ZSWIM9: variants seen among roughly 807,000 people sequenced by gnomAD.
ZSWIM9 encodes uncharacterized protein ZSWIM9.
Under a neutral mutation model 25.0 loss-of-function variants are expected in ZSWIM9, and 11 were observed. That is an observed-to-expected ratio of 0.44 (90% CI 0.28 to 0.73). The LOEUF (loss-of-function observed/expected upper bound fraction) is 0.73. Among genes scored for constraint, ZSWIM9 ranks in the 30% least tolerant of loss-of-function variants. ZSWIM9 has a pLI of 0.16. For synonymous variants in ZSWIM9, 562 were observed against 582.1 expected (o/e 0.97, Z 0.50); for missense variants, 1,070 against 1,296.5 (o/e 0.83, Z 2.68).
At chr19:48,187,989 C>T (rs867473635) in intron 3 of ZSWIM9, among the ~76,000 whole-genome samples, 8 of 127,892 alleles carry the variant, frequency 6.3e-5, no homozygotes, top group South Asian at 2.6e-4. Context: ...GATAGATAGA[C>T]AGACAGACAG....
chr19:48,187,985 T>TAGATAGACAGAC (rs1555787428), intron 3 of ZSWIM9, among the ~76,000 whole-genome samples: 71 of 146,368 alleles, frequency 4.9e-4, no homozygotes, highest in African/African-American at 1.4e-3. Flanking sequence ...GATAGATAGA[T>TAGATAGACAGAC]AGACAGACAG....
At chr19:48,173,408 C>T (rs1470269114) in intron 2 of ZSWIM9, among the ~76,000 whole-genome samples, 1 of 152,184 alleles carries the variant, frequency 6.6e-6, no homozygotes, top group South Asian at 2.1e-4. Context: ...AAGAGATTCC[C>T]CCACCTCAGC....
chr19:48,171,920 C>A lies in ZSWIM9; in HGVS notation c.118C>A (p.Gln40Lys), dbSNP rs1425185586. The A allele has an allele frequency of 2.0e-6, 3 of 1,535,740 alleles. No homozygotes were observed. The highest frequency in any genetic ancestry group is 2.6e-6 in the Non-Finnish European group (3 of 1,146,700). The change falls in exon 2 of 4, where the codon CAG becomes AAG. Residue 40 changes from glutamine (Q) to lysine (K), a missense_variant. By Grantham distance (53) the Gln-to-Lys change is moderately conservative. Around this residue, in one of 4 missense-constraint regions of ZSWIM9, gnomAD observed 265 missense variants for 339.0 expected, o/e 0.78. Transcript: ENST00000614654. ...CCGCTTCTTCGACGCGTGGTGCCAG[C>A]AGCGGCTGGCGCTCTTCTTCGTCAA... ...FSRFFDAWCQ[Q>K]RLALFFVKSS... is the part of the protein sequence containing the mutation.
At chr19:48,186,624 C>T (rs544510546) in intron 3 of ZSWIM9, 1 of 154,980 alleles carries the variant, frequency 6.5e-6, no homozygotes, top group African/African-American at 2.4e-5. Context: ...TTGCATCTTG[C>T]TTTATACGTT....
intron 3 of ZSWIM9, among the ~76,000 whole-genome samples, chr19:48,193,920 G>A (rs2037127425): frequency 6.6e-6 from 1 of 152,186 alleles, no homozygotes; most frequent in African/African-American, 2.4e-5. Context: ...TCTCAGCCCA[G>A]GGATCTTGGC....
chr19:48,195,222 C>A lies in ZSWIM9; in HGVS notation c.1158C>A (p.Asp386Glu). The change falls in exon 4 of 4, where the codon GAC (aspartate) becomes GAA (glutamate). Residue 386 changes from aspartate (D) to glutamate (E), a missense_variant. Coordinates refer to ENST00000614654, the MANE Select transcript of ZSWIM9 (RefSeq NM_199341.4). The surrounding 1 kb of genome is among the most constrained non-coding windows in gnomAD (Gnocchi z 5.8). ...YFERNWEPRR[D>E]MWVRFRAFEA... ...AGCGCAACTGGGAGCCCCGCCGCGA[C>A]ATGTGGGTCCGCTTCCGCGCCTTCG... 1 of 1,528,322 alleles carries A rather than the reference C, an allele frequency of 6.5e-7. No individual in the cohort carries two copies. Among genetic ancestry groups the A allele is most frequent in the Non-Finnish European group, 8.8e-7 (1 of 1,142,512 alleles). The allele number at this position is 1,528,322 out of a possible 1,614,324, so 94.7% of individuals were successfully genotyped here.
At position 48,196,432 on chromosome 19, in the gene ZSWIM9, G is replaced by A; in HGVS notation, c.2368G>A (p.Ala790Thr). ...EWAAARSEHL[A>T]AGDGLQEGGE... Reference sequence around the variant, plus strand: ...GGCAGCGGCGAGGAGTGAACACCTGGCTGCAGGTGACGGCCTGCAGGAAGG... The same window carrying A: ...GGCAGCGGCGAGGAGTGAACACCTGACTGCAGGTGACGGCCTGCAGGAAGG... Residue 790 changes from alanine (A) to threonine (T), a missense_variant, in exon 4 of 4, where the codon GCT (alanine) becomes ACT (threonine). By Grantham distance (58) the Ala-to-Thr change is moderately conservative. This residue lies in a region of ZSWIM9 where 583 missense variants were observed against 624.7 expected (regional missense o/e 0.93). Coordinates refer to ENST00000614654, the MANE Select transcript of ZSWIM9 (RefSeq NM_199341.4). The A allele has an allele frequency of 8.1e-7, 1 of 1,232,524 alleles. No homozygotes were observed. The allele number at this position is 1,232,524 out of a possible 1,614,324, so 76.3% of individuals were successfully genotyped here.
At chr19:48,192,498 T>TATATAC (rs369454865) in intron 3 of ZSWIM9, among the ~76,000 whole-genome samples, 3 of 20,758 alleles carry the variant, frequency 1.4e-4, no homozygotes, top group African/African-American at 4.2e-4. Context: ...TATATATATA[T>TATATAC]ACACACACAC....
chr19:48,194,219 C>T lies in ZSWIM9; in HGVS notation c.589-434C>T, dbSNP rs563035103. ...TGGGGCCCGCCCCCAGAGTTTCAGA[C>T]TCAGTGGGTCTGAGGTGGCCCCGAG... On this transcript the variant is annotated intron_variant, in intron 3 of 3. Coordinates refer to ENST00000614654, the MANE Select transcript of ZSWIM9 (RefSeq NM_199341.4). This position sits in a 1 kb window ranked among gnomAD's most constrained non-coding sequence, Gnocchi z 6.0. Among the ~76,000 whole-genome samples, 2 of 152,288 alleles carry T rather than the reference C, an allele frequency of 1.3e-5. No individual in the cohort carries two copies. Among genetic ancestry groups the T allele is most frequent in the South Asian group, 2.1e-4 (1 of 4,828 alleles).
rs1017067324 is a variant in ZSWIM9, at chr19:48,182,635, CAAG to C, written c.458_460del (p.Lys153del). The C allele has an allele frequency of 9.8e-6, 15 of 1,535,840 alleles. No individual in the cohort carries two copies. Among genetic ancestry groups the C allele is most frequent in the Non-Finnish European group, 1.2e-5 (14 of 1,146,678 alleles). ...CCTGCCTGCCGGTGCGCACCACCAA[CAAG>C]ATCTCCAAGCAGTTCGTGGCCCCAG... is the stretch of plus-strand genomic sequence containing the variant. On this transcript the variant is annotated inframe_deletion, in exon 3 of 4. Coordinates refer to ENST00000614654, the MANE Select transcript of ZSWIM9 (RefSeq NM_199341.4). This position sits in a 1 kb window ranked among gnomAD's most constrained non-coding sequence, Gnocchi z 4.6.
rs2123252149 is a variant in ZSWIM9, at chr19:48,182,466, C to T, written c.287C>T (p.Pro96Leu). ...GGTTCCTCCCACAGGCCTCCCCAGC[C>T]CGGCTGCCCCGCCTTCATCATCGTC... is the stretch of plus-strand genomic sequence containing the variant. Reference protein sequence around the residue: ...PSRPAVGPPQPGCPAFIIVKL... With the variant: ...PSRPAVGPPQLGCPAFIIVKL... Residue 96 changes from proline to leucine, a missense_variant, in exon 3 of 4, where the codon CCC (proline) becomes CTC (leucine). Around this residue, in one of 4 missense-constraint regions of ZSWIM9, gnomAD observed 265 missense variants for 339.0 expected, o/e 0.78. Transcript: ENST00000614654. This position sits in a 1 kb window ranked among gnomAD's most constrained non-coding sequence, Gnocchi z 4.6. 1 of 1,533,678 alleles carries T rather than the reference C, an allele frequency of 6.5e-7. No homozygotes were observed. The highest frequency in any genetic ancestry group is 1.2e-5 in the South Asian group (1 of 83,908).
intron 3 of ZSWIM9, among the ~76,000 whole-genome samples, chr19:48,193,969 G>A (rs1262527039): frequency 6.6e-6 from 1 of 152,212 alleles, no homozygotes; most frequent in Admixed American, 6.5e-5. Context: ...CTGCCTCTCA[G>A]TGCATGGAGA....
intron 3 of ZSWIM9, chr19:48,193,062 CTT>C (rs2037117811): frequency 6.4e-6 from 1 of 155,390 alleles, no homozygotes; most frequent in African/African-American, 2.4e-5. Context: ...GCCATGTAGA[CTT>C]GTGCTGAATA....
Position 48,196,502 on chromosome 19 carries a change from C to G in ZSWIM9, c.2438C>G (p.Pro813Arg). Residue 813 changes from proline (P) to arginine (R), a missense_variant, in exon 4 of 4, where the codon CCG becomes CGG. Pro to Arg is a moderately radical substitution (Grantham distance 103). This residue lies in a region of ZSWIM9 where 583 missense variants were observed against 624.7 expected (regional missense o/e 0.93). Coordinates refer to ENST00000614654, the MANE Select transcript of ZSWIM9 (RefSeq NM_199341.4). ...GAACCAAAGAGGCTTTGCCGACCCC[C>G]GGGAGAGGAGGAGGTGGACTGGGAA... ...PREPKRLCRPPGEEEVDWEPL... is the reference protein window; with the variant it reads ...PREPKRLCRPRGEEEVDWEPL... The G allele has an allele frequency of 8.1e-7, 1 of 1,232,516 alleles. No homozygotes were observed. The highest frequency in any genetic ancestry group is 1.0e-6 in the Non-Finnish European group (1 of 988,286). 76.3% of individuals were successfully genotyped at this position (1,232,516 alleles called of 1,614,324 possible).
Position 48,171,865 on chromosome 19 carries a change from G to A in ZSWIM9, c.63G>A (p.Glu21=). Reference sequence around the variant, plus strand: ...GGCAGGAGGAGCAGGAGCTGCGGGAGCGGGCCTTCTTCTCGTGGGCCGAGT... The same window carrying A: ...GGCAGGAGGAGCAGGAGCTGCGGGAACGGGCCTTCTTCTCGTGGGCCGAGT... The part of the protein sequence containing the change: ...AAGQEEQELR[E]RAFFSWAEFS... The change falls in exon 2 of 4, where the codon GAG becomes GAA. Residue 21 remains glutamate (E), a synonymous_variant. Transcript: ENST00000614654. 6.5e-7 allele frequency: 1 copy of A among 1,535,452 alleles called. No homozygotes were observed. Among genetic ancestry groups the A allele is most frequent in the Non-Finnish European group, 8.7e-7 (1 of 1,146,638 alleles).
chr19:48,197,528 G>C lies in ZSWIM9; in HGVS notation c.*701G>C. On this transcript the variant is annotated 3_prime_UTR_variant, in exon 4 of 4. Transcript: ENST00000614654. ...ATCGCCTTCTGAAGAGAGAGGGAGG[G>C]CGGGCACTGGGGGTCAGGAGAGTCT... The C allele has an allele frequency of 8.2e-5, 40 of 487,836 alleles. No individual in the cohort carries two copies. The highest frequency in any genetic ancestry group is 8.1e-5 in the Non-Finnish European group (22 of 271,456). The allele number at this position is 487,836 out of a possible 1,614,324, so 30.2% of individuals were successfully genotyped here.
At chr19:48,187,548 TTA>T (rs1162858684) in intron 3 of ZSWIM9, 9 of 33,136 alleles carry the variant, frequency 2.7e-4, no homozygotes, top group Non-Finnish European at 4.9e-4. Flanking sequence ...TTATATTATA[TTA>T]TATATATTAT....
At chr19:48,174,644 T>G (rs1205074907) in intron 2 of ZSWIM9, 1 of 152,250 alleles carries the variant, frequency 6.6e-6, no homozygotes, top group Non-Finnish European at 1.5e-5. Context: ...TATTTAAACA[T>G]GTATTGTGAA....
chr19:48,179,000 A>G (rs953231788), intron 2 of ZSWIM9, among the ~76,000 whole-genome samples: 5 of 152,260 alleles, frequency 3.3e-5, no homozygotes, highest in African/African-American at 4.8e-5. Flanking sequence ...GGCCCTTTGC[A>G]GAAAATGTTT....
Sources: allele counts gnomAD v4.1 joint callset (sites outside exome capture counted in the v4.1 genomes callset), GRCh38; gene constraint gnomAD v4.1.1; regional missense constraint gnomAD v4.1.1; non-coding constraint Gnocchi (gnomAD v3.1); transcripts MANE v1.5; gene names NCBI Gene and HGNC (gene_info 2026-07-23, HGNC 2026-07-21).